ATP11A: variants seen among roughly 807,000 people sequenced by gnomAD.
ATP11A encodes the protein phospholipid-transporting ATPase IH.
Under a neutral mutation model 154.4 loss-of-function variants are expected in ATP11A, and 81 were observed. That is an observed-to-expected ratio of 0.52 (90% CI 0.44 to 0.63). The LOEUF (loss-of-function observed/expected upper bound fraction) is 0.63. Among genes scored for constraint, ATP11A ranks in the 30% least tolerant of loss-of-function variants. The pLI is 0.00. For missense variants in ATP11A, 1,316 were observed against 1,474.3 expected (o/e 0.89, Z 1.76); for synonymous variants, 623 against 585.9 (o/e 1.06, Z -0.91).
At chr13:112,823,293 C>G (rs1467857403) in intron 8 of ATP11A, 52 bp from the exon 9 acceptor site, 1 of 1,469,858 alleles carries the variant, frequency 6.8e-7, no homozygotes, top group Admixed American at 1.7e-5. Context: ...GCCCCCCGCC[C>G]TGCCCACTTG....
At chr13:112,873,427 C>G in intron 26 of ATP11A, 146 bp from the exon 27 acceptor site, 2 of 581,844 alleles carry the variant, frequency 3.4e-6, no homozygotes, top group Non-Finnish European at 5.9e-6. Flanking sequence ...TCTTCCTGAG[C>G]CGTGTTTTGC....
Position 112,859,340 on chromosome 13 carries a change from G to A in ATP11A, c.2668-53G>A, listed in dbSNP as rs374171862. On this transcript the variant is annotated intron_variant, in intron 22 of 29. Coordinates refer to ENST00000375645, the MANE Select transcript of ATP11A (RefSeq NM_015205.3). This position sits in a 1 kb window ranked among gnomAD's most constrained non-coding sequence, Gnocchi z 4.3. Reference sequence around the variant, plus strand: ...GGGGTGGGCCACGTCGGTAGGTGGCGGCTGCCTCCCTCTGTCCCGTCACCG... The same window carrying A: ...GGGGTGGGCCACGTCGGTAGGTGGCAGCTGCCTCCCTCTGTCCCGTCACCG... 219 of 1,530,518 alleles carry A rather than the reference G, an allele frequency of 1.4e-4. 1 individual carries two copies. The highest frequency in any genetic ancestry group is 6.2e-4 in the South Asian group (55 of 89,332). The allele number at this position is 1,530,518 out of a possible 1,614,324, so 94.8% of individuals were successfully genotyped here. A position where few individuals can be genotyped will look rare whatever the true frequency, so the allele number is the denominator to read the frequency against.
At chr13:112,803,923 TCC>T (rs1566504458) in intron 2 of ATP11A, among the ~76,000 whole-genome samples, 2 of 39,160 alleles carry the variant, frequency 5.1e-5, no homozygotes, top group African/African-American at 9.2e-5. Context: ...CCTCCCCCCA[TCC>T]CCTCTCTGCC....
At position 112,701,163 on chromosome 13, in the gene ATP11A, C is replaced by G. The variant is rs145195214; in HGVS notation, c.39+10708C>G. The stretch of plus-strand genomic sequence containing the variant: ...TCCGCCTGTGGCCGTCTCCACGGTC[C>G]TTTCTACCATGATTTCTCCATGTCC... On this transcript the variant is annotated intron_variant, in intron 1 of 29. Coordinates refer to ENST00000375645, the MANE Select transcript of ATP11A (RefSeq NM_015205.3). Among the ~76,000 whole-genome samples the G allele has an allele frequency of 5.7e-4, 87 of 152,308 alleles. 1 individual carries two copies. Among genetic ancestry groups the G allele is most frequent in the African/African-American group, 1.9e-3 (80 of 41,580 alleles).
chr13:112,827,217 C>A (rs2078956728), intron 12 of ATP11A, among the ~76,000 whole-genome samples: 1 of 152,194 alleles, frequency 6.6e-6, no homozygotes. Context: ...ACCTGATATT[C>A]AAGTCTCATG....
At chr13:112,808,075 G>A (rs1373820949) in intron 4 of ATP11A, among the ~76,000 whole-genome samples, 1 of 152,084 alleles carries the variant, frequency 6.6e-6, no homozygotes, top group Non-Finnish European at 1.5e-5. Context: ...AGACGCATCT[G>A]GGCCAGAGAG....
chr13:112,766,700 C>T (rs1264470970), intron 1 of ATP11A, among the ~76,000 whole-genome samples: 1 of 152,060 alleles, frequency 6.6e-6, no homozygotes, highest in Non-Finnish European at 1.5e-5. Flanking sequence ...GGGAGTCTGC[C>T]TCTTCCCTCC....
chr13:112,851,831 T>G (rs1362113760), intron 18 of ATP11A: 1 of 152,252 alleles, frequency 6.6e-6, no homozygotes, highest in Non-Finnish European at 1.5e-5. Context: ...CTGTAATTAC[T>G]CTTTAGAATG....
At chr13:112,691,488 GT>G (rs1403132951) in intron 1 of ATP11A, among the ~76,000 whole-genome samples, 2 of 144,336 alleles carry the variant, frequency 1.4e-5, no homozygotes, top group Non-Finnish European at 3.0e-5. Context: ...AAAAGGGTGT[GT>G]GTGTGTGTGT....
In ATP11A at chr13:112,883,015, A is replaced by G. The variant is rs111420916; in HGVS notation, c.*1149A>G. 123 of 390,336 alleles carry G rather than the reference A, an allele frequency of 3.2e-4. No homozygotes were observed. The highest frequency in any genetic ancestry group is 2.4e-3 in the African/African-American group (107 of 43,942). The allele number at this position is 390,336 out of a possible 1,614,324, so 24.2% of individuals were successfully genotyped here. A position where few individuals can be genotyped will look rare whatever the true frequency, so the allele number is the denominator to read the frequency against. Reference sequence around the variant, plus strand: ...CTGCGTCCCCACGTCCCCTCGTCCCATCCCCACGTCCCCTCATCCCGTCAC... The same window carrying G: ...CTGCGTCCCCACGTCCCCTCGTCCCGTCCCCACGTCCCCTCATCCCGTCAC... On this transcript the variant is annotated 3_prime_UTR_variant, in exon 30 of 30. Transcript: ENST00000375645.
At chr13:112,804,499 G>T (rs1466797145) in intron 2 of ATP11A, among the ~76,000 whole-genome samples, 1 of 112,480 alleles carries the variant, frequency 8.9e-6, no homozygotes, top group African/African-American at 3.7e-5. Context: ...TCCCCCTGAG[G>T]CCTCAAAGCC....
At chr13:112,830,932 A>G (rs422849) in intron 12 of ATP11A, among the ~76,000 whole-genome samples, 59,392 of 151,864 alleles carry the variant, frequency 0.39, 13,585 homozygotes, top group African/African-American at 0.64. Context: ...TTTGACCTCC[A>G]AGACTGTATA....
At chr13:112,870,323 G>A (rs993366361) in intron 25 of ATP11A, among the ~76,000 whole-genome samples, 4 of 152,216 alleles carry the variant, frequency 2.6e-5, no homozygotes, top group African/African-American at 7.2e-5. Flanking sequence ...AAATCAAGGG[G>A]TATGGTGATG....
At position 112,858,621 on chromosome 13, in the gene ATP11A, G is replaced by A. The variant is rs533007059; in HGVS notation, c.2667+331G>A. On this transcript the variant is annotated intron_variant, in intron 22 of 29. Transcript: ENST00000375645. ...TCCTGCTGTCTCCTTCCTGGGATGTGGCTTGTCCCTTTGTCCGGTGTGCCG... is the reference window on the plus strand; with the variant it reads ...TCCTGCTGTCTCCTTCCTGGGATGTAGCTTGTCCCTTTGTCCGGTGTGCCG... The A allele has an allele frequency of 4.5e-5, 10 of 220,818 alleles. No individual in the cohort carries two copies. In the South Asian group the frequency reaches 7.9e-4, roughly 17 times the overall value. The allele number at this position is 220,818 out of a possible 1,614,324, so 13.7% of individuals were successfully genotyped here. A position where few individuals can be genotyped will look rare whatever the true frequency, so the allele number is the denominator to read the frequency against.
At position 112,826,717 on chromosome 13, in the gene ATP11A, C is replaced by T. The variant is rs754236037; in HGVS notation, c.1047C>T (p.Phe349=). 1.9e-6 allele frequency: 3 copies of T among 1,614,112 alleles called. No homozygotes were observed. Among genetic ancestry groups the T allele is most frequent in the African/African-American group, 2.7e-5 (2 of 74,938 alleles). The change falls in exon 12 of 30, where the codon TTC becomes TTT. Residue 349 remains phenylalanine, a synonymous_variant. Coordinates refer to ENST00000375645, the MANE Select transcript of ATP11A (RefSeq NM_015205.3). ...RNLFLKAFTD[F]LAFMVLFNYI... ...AGTTCCTCAAGGCATTCACGGACTT[C>T]CTGGCCTTCATGGTCCTCTTTAACT...
chr13:112,733,535 G>A (rs1038117003), intron 1 of ATP11A, among the ~76,000 whole-genome samples: 3 of 152,180 alleles, frequency 2.0e-5, no homozygotes, highest in Non-Finnish European at 4.4e-5. Context: ...GAGCTGTTGA[G>A]CCTAGTTCTA....
chr13:112,706,883 C>T (rs1887194420), intron 1 of ATP11A, among the ~76,000 whole-genome samples: 2 of 152,204 alleles, frequency 1.3e-5, no homozygotes, highest in Non-Finnish European at 2.9e-5. Flanking sequence ...TTATGCCACA[C>T]ATCATTTTAA....
chr13:112,737,420 CAT>C (rs1353562550), intron 1 of ATP11A, among the ~76,000 whole-genome samples: 2 of 152,232 alleles, frequency 1.3e-5, no homozygotes, highest in African/African-American at 2.4e-5. Context: ...GATCATGACT[CAT>C]GTGGCGTTAA....
intron 4 of ATP11A, among the ~76,000 whole-genome samples, chr13:112,809,727 C>T (rs948298463): frequency 4.6e-5 from 7 of 152,174 alleles, no homozygotes; most frequent in East Asian, 3.9e-4. Flanking sequence ...TTACTGAGAA[C>T]GGCATTCCCC....
Sources: gnomAD v4.1 joint callset for allele counts (sites outside exome capture counted in the v4.1 genomes callset) on GRCh38, gnomAD v4.1.1 for gene constraint, Gnocchi (gnomAD v3.1) non-coding constraint, MANE v1.5 for transcripts, NCBI Gene and HGNC (gene_info 2026-07-23, HGNC 2026-07-21) for gene names.